AFG1L: variants seen among roughly 807,000 people sequenced by gnomAD.
The protein encoded by AFG1L is AFG1-like ATPase.
In AFG1L, 53 loss-of-function variants were observed where a neutral mutation model predicts 62.2. The observed-to-expected ratio is 0.85, with a 90% CI of 0.68 to 1.07. The LOEUF (loss-of-function observed/expected upper bound fraction) is 1.07. AFG1L is among the 50% of genes least tolerant of loss of function. AFG1L has a pLI of 0.00. For missense variants in AFG1L, 555 were observed against 590.5 expected, an observed-to-expected ratio of 0.94 and a Z score of 0.62; for synonymous variants, 228 against 210.3, an observed-to-expected ratio of 1.08 and a Z score of -0.73.
At chr6:108,379,341 T>C (rs1015149830) in intron 6 of AFG1L, among the ~76,000 whole-genome samples, 8 of 152,262 alleles carry the variant, frequency 5.3e-5, no homozygotes, top group Non-Finnish European at 8.8e-5. Context: ...ATGTTTTATA[T>C]TGGGCTGTGG....
At chr6:108,441,518 G>A (rs1382317358) in intron 7 of AFG1L, among the ~76,000 whole-genome samples, 1 of 151,748 alleles carries the variant, frequency 6.6e-6, no homozygotes, top group Non-Finnish European at 1.5e-5. Context: ...AGAATTGGAT[G>A]GTGATAAGAG....
intron 7 of AFG1L, 104 bp downstream of exon 7, chr6:108,402,158 T>G (rs918347681): frequency 3.4e-5 from 20 of 587,256 alleles, no homozygotes; most frequent in Non-Finnish European, 5.2e-5. Context: ...GAATTTATTT[T>G]GGCATTTAGA....
intron 10 of AFG1L, among the ~76,000 whole-genome samples, chr6:108,493,818 C>T (rs980325059): frequency 3.9e-5 from 6 of 151,986 alleles, no homozygotes; most frequent in East Asian, 1.9e-4. Flanking sequence ...CTAATTAGGA[C>T]GATTTCCTAC....
chr6:108,510,602 G>C (rs1469358126), intron 11 of AFG1L, among the ~76,000 whole-genome samples: 3 of 152,230 alleles, frequency 2.0e-5, no homozygotes, highest in African/African-American at 7.2e-5. Context: ...AGCACTATCA[G>C]TAGAAGCAGC....
At chr6:108,340,026 A>C (rs1778621653) in intron 2 of AFG1L, among the ~76,000 whole-genome samples, 4 of 145,816 alleles carry the variant, frequency 2.7e-5, no homozygotes, top group Admixed American at 1.4e-4. Context: ...AACCATCCCC[A>C]CCTCCCCCTC....
At chr6:108,401,166 C>T (rs1221188838) in intron 6 of AFG1L, among the ~76,000 whole-genome samples, 1 of 138,810 alleles carries the variant, frequency 7.2e-6, no homozygotes, top group South Asian at 2.2e-4. Context: ...GACGGAGTCT[C>T]GCTCTGTCGC....
At chr6:108,411,978 G>A (rs1234414747) in intron 7 of AFG1L, among the ~76,000 whole-genome samples, 2 of 152,184 alleles carry the variant, frequency 1.3e-5, no homozygotes, top group East Asian at 1.9e-4. Flanking sequence ...AGCTAAAGGA[G>A]GATGTTTGAA....
intron 6 of AFG1L, 79 bp from the exon 7 acceptor site, chr6:108,401,917 C>A: frequency 1.5e-6 from 1 of 665,472 alleles, no homozygotes; most frequent in Non-Finnish European, 2.6e-6. Context: ...CAGTAGAAAG[C>A]TTTATTTGCC....
intron 8 of AFG1L, among the ~76,000 whole-genome samples, chr6:108,475,703 T>G (rs187306991): frequency 2.6e-4 from 40 of 152,344 alleles, no homozygotes; most frequent in Admixed American, 9.8e-4. Flanking sequence ...GAGTGGTTAT[T>G]ACTTGGAATG....
At chr6:108,368,940 C>T (rs1167323954) in intron 6 of AFG1L, among the ~76,000 whole-genome samples, 1 of 152,082 alleles carries the variant, frequency 6.6e-6, no homozygotes, top group Non-Finnish European at 1.5e-5. Context: ...ACTGTAAGTT[C>T]AAGATGCGGA....
intron 1 of AFG1L, among the ~76,000 whole-genome samples, chr6:108,296,961 G>A (rs1422870548): frequency 6.6e-6 from 1 of 152,156 alleles, no homozygotes; most frequent in African/African-American, 2.4e-5. Context: ...AGTGAAGGCT[G>A]TGCTATTAAT....
intron 6 of AFG1L, among the ~76,000 whole-genome samples, chr6:108,368,751 C>T (rs1779864865): frequency 6.6e-6 from 1 of 152,158 alleles, no homozygotes; most frequent in Non-Finnish European, 1.5e-5. Flanking sequence ...GCAAAGACTG[C>T]TGAAAGGATA....
At chr6:108,313,427 A>T (rs1055759310) in intron 1 of AFG1L, among the ~76,000 whole-genome samples, 1 of 152,218 alleles carries the variant, frequency 6.6e-6, no homozygotes, top group Non-Finnish European at 1.5e-5. Flanking sequence ...GTACTTAGTA[A>T]ATACTCAGTA....
intron 10 of AFG1L, among the ~76,000 whole-genome samples, chr6:108,505,371 C>T (rs1433430624): frequency 1.3e-5 from 2 of 152,142 alleles, no homozygotes; most frequent in Non-Finnish European, 2.9e-5. Flanking sequence ...GGATTACAGG[C>T]ATGAACCACT....
At chr6:108,456,767 A>G (rs968859750) in intron 8 of AFG1L, among the ~76,000 whole-genome samples, 2 of 152,178 alleles carry the variant, frequency 1.3e-5, no homozygotes, top group Non-Finnish European at 2.9e-5. Flanking sequence ...ATTTTAGCCA[A>G]TGATGGACCA....
At chr6:108,469,085 C>T (rs1312087468) in intron 8 of AFG1L, among the ~76,000 whole-genome samples, 1 of 152,126 alleles carries the variant, frequency 6.6e-6, no homozygotes, top group Non-Finnish European at 1.5e-5. Flanking sequence ...AAGAATAAGG[C>T]ATTAAAAAGC....
At chr6:108,428,643 C>T (rs1770932988) in intron 7 of AFG1L, among the ~76,000 whole-genome samples, 1 of 152,172 alleles carries the variant, frequency 6.6e-6, no homozygotes, top group Non-Finnish European at 1.5e-5. Flanking sequence ...AATGGCCATT[C>T]TGGCTGGGGT....
intron 10 of AFG1L, among the ~76,000 whole-genome samples, chr6:108,494,648 G>T (rs548968151): frequency 1.2e-4 from 19 of 152,210 alleles, no homozygotes; most frequent in East Asian, 7.7e-4. Context: ...TTTCCCAGCT[G>T]GGTGTTTGGA....
At chr6:108,470,585 C>T (rs551649966) in intron 8 of AFG1L, among the ~76,000 whole-genome samples, 3 of 152,264 alleles carry the variant, frequency 2.0e-5, no homozygotes, top group Admixed American at 2.0e-4. Context: ...ACTGCTTACT[C>T]TTCCATTGTA....
Sources: gnomAD v4.1 joint callset for allele counts (sites outside exome capture counted in the v4.1 genomes callset) on GRCh38, gnomAD v4.1.1 for gene constraint, MANE v1.5 for transcripts, NCBI Gene and HGNC (gene_info 2026-07-23, HGNC 2026-07-21) for gene names.